The following SLC35F5 variants were observed in gnomAD, a reference collection of about 807,000 sequenced individuals.
The protein encoded by SLC35F5 is solute carrier family 35 member F5.
In SLC35F5, 54 loss-of-function variants were observed where a neutral mutation model predicts 68.6. That is an observed-to-expected ratio of 0.79 (90% CI 0.63 to 0.99). SLC35F5 has a LOEUF of 0.99. SLC35F5 is among the 50% of genes least tolerant of loss of function. The pLI, the probability that SLC35F5 is intolerant of heterozygous loss-of-function variation, is 0.00. For synonymous variants in SLC35F5, 211 were observed against 205.2 expected (o/e 1.03, Z -0.24); for missense variants, 567 against 626.9 (o/e 0.90, Z 1.02).
Position 113,723,084 on chromosome 2 carries a change from A to G in SLC35F5, c.1341+20T>C, listed in dbSNP as rs374425747. 6.0e-6 allele frequency: 9 copies of G among 1,492,972 alleles called. No homozygotes were observed. The highest frequency in any genetic ancestry group is 7.2e-6 in the Non-Finnish European group (8 of 1,109,974). 92.5% of individuals were successfully genotyped at this position (1,492,972 alleles called of 1,614,324 possible). A position where few individuals can be genotyped will look rare whatever the true frequency, so the allele number is the denominator to read the frequency against. ...AATAACACACCTAAAATATCTATGAATAATAAATAGTTTCCTTACCTTTTG... is the reference window on the plus strand; with the variant it reads ...AATAACACACCTAAAATATCTATGAGTAATAAATAGTTTCCTTACCTTTTG... On this transcript the variant is annotated intron_variant, in intron 13 of 15. Coordinates refer to ENST00000245680, the MANE Select transcript of SLC35F5 (RefSeq NM_025181.5).
At chr2:113,747,579 C>CA (rs1234211206) in intron 4 of SLC35F5, among the ~76,000 whole-genome samples, 2 of 152,062 alleles carry the variant, frequency 1.3e-5, no homozygotes. Flanking sequence ...TTCTACTTCC[C>CA]AAAAAATATA....
At chr2:113,733,024 T>C (rs1341114414) in intron 9 of SLC35F5, among the ~76,000 whole-genome samples, 2 of 152,304 alleles carry the variant, frequency 1.3e-5, no homozygotes, top group South Asian at 2.1e-4. Flanking sequence ...GCCTCAGAAA[T>C]TGAATCTCTT....
chr2:113,718,928 A>AGAAAGG (rs1268449934), intron 14 of SLC35F5, among the ~76,000 whole-genome samples: 2 of 42,450 alleles, frequency 4.7e-5, no homozygotes, highest in South Asian at 1.2e-3. Context: ...AAAGAAAGAA[A>AGAAAGG]AAGAAAGGAA....
rs1299479954 is a variant in SLC35F5 at position 113,713,251 on chromosome 2, T to C, written c.*1967A>G. 6.6e-6 allele frequency: 1 copy of C among 152,208 alleles called. No homozygotes were observed. The highest frequency in any genetic ancestry group is 1.5e-5 in the Non-Finnish European group (1 of 68,046). The allele number at this position is 152,208 out of a possible 1,614,324, so 9.4% of individuals were successfully genotyped here. On this transcript the variant is annotated 3_prime_UTR_variant, in exon 16 of 16. Transcript: ENST00000245680. ...TTTTTAAGAAACAGAAAAGCAGCAG[T>C]ATAATGAAAGAAGATTGGCTGAAGA...
At chr2:113,716,833 C>G (rs1482404806) in intron 15 of SLC35F5, among the ~76,000 whole-genome samples, 1 of 152,162 alleles carries the variant, frequency 6.6e-6, no homozygotes, top group Non-Finnish European at 1.5e-5. Flanking sequence ...GATTTAAAAA[C>G]AGCACACTAA....
At position 113,706,914 on chromosome 2, in the gene SLC35F5, C is replaced by T. The variant is rs1686813834; in HGVS notation, c.*8304G>A. Among the ~76,000 whole-genome samples the T allele has an allele frequency of 3.3e-5, 5 of 152,050 alleles. No individual in the cohort carries two copies. The highest frequency in any genetic ancestry group is 3.3e-4 in the Admixed American group (5 of 15,266). ...TATCCACAGTCTATAAAATAATGTT[C>T]CCAAATTATATAGTTTAAAATACAC... On this transcript the variant is annotated 3_prime_UTR_variant, in exon 16 of 16. Coordinates refer to ENST00000245680, the MANE Select transcript of SLC35F5 (RefSeq NM_025181.5).
intron 6 of SLC35F5, among the ~76,000 whole-genome samples, chr2:113,743,295 C>T (rs569426561): frequency 3.9e-4 from 59 of 152,214 alleles, no homozygotes; most frequent in Middle Eastern, 6.8e-3. Context: ...TAGGTCCATT[C>T]CTTGCAAGGG....
intron 9 of SLC35F5, among the ~76,000 whole-genome samples, chr2:113,733,202 C>T (rs1687962716): frequency 1.3e-5 from 2 of 152,238 alleles, no homozygotes; most frequent in South Asian, 4.1e-4. Flanking sequence ...TCTGCCTCTG[C>T]AGTGCTAAAA....
At chr2:113,754,316 A>AC (rs1388225152) in intron 3 of SLC35F5, among the ~76,000 whole-genome samples, 2 of 151,912 alleles carry the variant, frequency 1.3e-5, no homozygotes, top group African/African-American at 4.8e-5. Context: ...AAAAAAAAAA[A>AC]AAAACTTATA....
At chr2:113,753,507 T>C (rs981787984) in intron 3 of SLC35F5, among the ~76,000 whole-genome samples, 2 of 152,124 alleles carry the variant, frequency 1.3e-5, no homozygotes, top group Admixed American at 6.6e-5. Flanking sequence ...GCATAACTGG[T>C]TGAAGAAGTA....
chr2:113,732,580 A>G (rs1687941800), intron 9 of SLC35F5, among the ~76,000 whole-genome samples: 1 of 152,216 alleles, frequency 6.6e-6, no homozygotes, highest in African/African-American at 2.4e-5. Context: ...CCCTTCAATT[A>G]AATCATCCCA....
chr2:113,741,698 TTAA>T (rs1676283509), intron 7 of SLC35F5, among the ~76,000 whole-genome samples: 2 of 91,926 alleles, frequency 2.2e-5, no homozygotes. Context: ...CGAAACTCCA[TTAA>T]AAAAAAAAAA....
intron 3 of SLC35F5, among the ~76,000 whole-genome samples, chr2:113,751,292 A>G (rs1396337881): frequency 6.6e-6 from 1 of 152,222 alleles, no homozygotes; most frequent in African/African-American, 2.4e-5. Context: ...GAGCACCAAA[A>G]GGAGACTGAC....
intron 15 of SLC35F5, among the ~76,000 whole-genome samples, chr2:113,716,738 A>C (rs1243835012): frequency 6.6e-6 from 1 of 152,216 alleles, no homozygotes; most frequent in African/African-American, 2.4e-5. Context: ...AAGCAGGATG[A>C]GCAGGGCAGG....
chr2:113,750,645 A>G (rs1001803437), intron 3 of SLC35F5, 77 bp from the exon 4 acceptor site: 3 of 1,292,962 alleles, frequency 2.3e-6, no homozygotes, highest in African/African-American at 3.0e-5. Flanking sequence ...TAAAGTCACT[A>G]CATGATTTTT....
intron 4 of SLC35F5, among the ~76,000 whole-genome samples, chr2:113,747,761 G>A (rs1385317181): frequency 6.6e-6 from 1 of 152,186 alleles, no homozygotes; most frequent in Non-Finnish European, 1.5e-5. Flanking sequence ...AACCATTACA[G>A]ACAGTAATTT....
rs752579195 is a variant in SLC35F5, at chr2:113,756,488, C to G, written c.-79G>C. 6.0e-5 allele frequency: 92 copies of G among 1,523,442 alleles called. No homozygotes were observed. Among genetic ancestry groups the G allele is most frequent in the Non-Finnish European group, 7.7e-5 (88 of 1,139,278 alleles). The allele number at this position is 1,523,442 out of a possible 1,614,324, so 94.4% of individuals were successfully genotyped here. On this transcript the variant is annotated 5_prime_UTR_variant, in exon 1 of 16. The change abolishes an upstream ATG in the 5' untranslated region. Coordinates refer to ENST00000245680, the MANE Select transcript of SLC35F5 (RefSeq NM_025181.5). The stretch of plus-strand genomic sequence containing the variant: ...CTCACAGAGCTGTCACCGCGCCTGA[C>G]ATCGCGCCGCACTGGAGGCCCAGCT...
At chr2:113,718,867 AAGAAAG>A (rs1687285072) in intron 14 of SLC35F5, among the ~76,000 whole-genome samples, 1 of 24,868 alleles carries the variant, frequency 4.0e-5, no homozygotes. Flanking sequence ...GAGAAAGAAA[AAGAAAG>A]AAAGAAAGAA....
intron 13 of SLC35F5, 187 bp from the exon 14 acceptor site, chr2:113,719,495 C>A (rs1424769911): frequency 1.1e-5 from 5 of 469,332 alleles, no homozygotes; most frequent in African/African-American, 1.0e-4. Context: ...ACTTACTATT[C>A]CATGCACCTA....
Sources: allele counts gnomAD v4.1 joint callset (sites outside exome capture counted in the v4.1 genomes callset), GRCh38; gene constraint gnomAD v4.1.1; transcripts MANE v1.5; gene names NCBI Gene and HGNC (gene_info 2026-07-23, HGNC 2026-07-21).